NXPH2: variants seen among roughly 807,000 people sequenced by gnomAD.
The protein encoded by NXPH2 is neurexophilin 2, also known as neurexophilin-2.
A neutral mutation model predicts 19.8 loss-of-function variants in NXPH2; 5 were observed. The ratio of observed to expected loss-of-function variants is 0.25; its 90% confidence interval spans 0.13 to 0.53. The LOEUF (loss-of-function observed/expected upper bound fraction) is 0.53, where lower values mean the gene tolerates loss of function less well. Among genes scored for constraint, NXPH2 ranks in the 20% least tolerant of loss-of-function variants. The probability of loss-of-function intolerance (pLI) is 0.96; values close to 1 mark genes in which losing one functional copy is unlikely to be tolerated. For missense variants in NXPH2, 289 were observed against 322.8 expected (o/e 0.90, Z 0.80); for synonymous variants, 154 against 127.4 (o/e 1.21, Z -1.41).
intron 1 of NXPH2, among the ~76,000 whole-genome samples, chr2:138,768,479 C>T (rs1020354076): frequency 1.3e-5 from 2 of 152,182 alleles, no homozygotes; most frequent in African/African-American, 4.8e-5. Flanking sequence ...GCGTATGACC[C>T]AAACCAACCA....
At chr2:138,717,145 C>A (rs774516092) in intron 1 of NXPH2, among the ~76,000 whole-genome samples, 3 of 152,172 alleles carry the variant, frequency 2.0e-5, no homozygotes, top group Admixed American at 6.5e-5. Context: ...AAGGAAGGAG[C>A]TTTTTATATA....
rs146225838 is a variant in NXPH2, at chr2:138,729,189, G to T, written c.51+51002C>A. Among the ~76,000 whole-genome samples the T allele has an allele frequency of 6.7e-3, 1,023 of 152,218 alleles. 10 individuals carry two copies. The highest frequency in any genetic ancestry group is 0.022 in the African/African-American group (924 of 41,530). Reference sequence around the variant, plus strand: ...CCCCACCCAAATCTCATCTTGAATTGTAGTTCCCATAATCCCCACATGTCA... The same window carrying T: ...CCCCACCCAAATCTCATCTTGAATTTTAGTTCCCATAATCCCCACATGTCA... On this transcript the variant is annotated intron_variant, in intron 1 of 1. Coordinates refer to ENST00000272641, the MANE Select transcript of NXPH2 (RefSeq NM_007226.3).
intron 1 of NXPH2, among the ~76,000 whole-genome samples, chr2:138,739,704 T>C (rs1230229072): frequency 6.6e-6 from 1 of 152,128 alleles, no homozygotes; most frequent in Non-Finnish European, 1.5e-5. Context: ...AGCAAGGAAA[T>C]AACATCTGAT....
In NXPH2 at chr2:138,671,160, T is replaced by C. The variant is rs201929664; in HGVS notation, c.557A>G (p.Asn186Ser). The change falls in exon 2 of 2, where the codon AAT becomes AGT. Residue 186 changes from asparagine to serine, a missense_variant. Physicochemically the swap from Asn to Ser is conservative, Grantham distance 46 (BLOSUM62 1). Transcript: ENST00000272641. ...TGTTTTTTCATACTCAATGCGACAA[T>C]TGAAAGATTTGGATTCCTTGGTCTC... ...TLETKESKSF[N>S]CRIEYEKTDR... 2,089 of 1,613,902 alleles carry C rather than the reference T, an allele frequency of 1.3e-3. 5 individuals carry two copies. The highest frequency in any genetic ancestry group is 1.6e-3 in the Non-Finnish European group (1,882 of 1,179,852).
rs1295545426 is a variant in NXPH2 at position 138,780,339 on chromosome 2, G to A, written c.-98C>T. 1.1e-5 allele frequency: 11 copies of A among 1,005,990 alleles called. No individual in the cohort carries two copies. The highest frequency in any genetic ancestry group is 3.5e-5 in the East Asian group (1 of 28,618). 62.3% of individuals were successfully genotyped at this position (1,005,990 alleles called of 1,614,324 possible). A position where few individuals can be genotyped will look rare whatever the true frequency, so the allele number is the denominator to read the frequency against. On this transcript the variant is annotated 5_prime_UTR_variant, in exon 1 of 2. Coordinates refer to ENST00000272641, the MANE Select transcript of NXPH2 (RefSeq NM_007226.3). ...CAGGACTGAGGACGCCAGGGACACA[G>A]CGCGGCGCTTCCCTCCCGGAATCCG...
intron 1 of NXPH2, among the ~76,000 whole-genome samples, chr2:138,716,648 C>A (rs993881811): frequency 2.0e-5 from 3 of 152,168 alleles, no homozygotes; most frequent in Non-Finnish European, 4.4e-5. Flanking sequence ...TTCTAGATAC[C>A]TATCCCTGTT....
chr2:138,690,336 C>T (rs1001876097), intron 1 of NXPH2, among the ~76,000 whole-genome samples: 1 of 152,158 alleles, frequency 6.6e-6, no homozygotes, highest in Non-Finnish European at 1.5e-5. Flanking sequence ...CAGAAATGCT[C>T]GTGTCCCATC....
At chr2:138,701,864 G>A (rs1012646648) in intron 1 of NXPH2, among the ~76,000 whole-genome samples, 11 of 152,088 alleles carry the variant, frequency 7.2e-5, no homozygotes, top group African/African-American at 2.4e-4. Context: ...TGGTAGGTGG[G>A]AAGACTCTAG....
At chr2:138,733,980 C>T (rs1681495393) in intron 1 of NXPH2, among the ~76,000 whole-genome samples, 1 of 152,168 alleles carries the variant, frequency 6.6e-6, no homozygotes, top group African/African-American at 2.4e-5. Context: ...CATGGTGGCT[C>T]ACACCTGTAA....
At chr2:138,767,788 C>T (rs1259134453) in intron 1 of NXPH2, among the ~76,000 whole-genome samples, 2 of 152,198 alleles carry the variant, frequency 1.3e-5, no homozygotes, top group Non-Finnish European at 2.9e-5. Flanking sequence ...CTATTCAACA[C>T]TGTGTCTTTG....
At chr2:138,672,237 A>T (rs1321927962) in intron 1 of NXPH2, among the ~76,000 whole-genome samples, 3 of 152,220 alleles carry the variant, frequency 2.0e-5, no homozygotes, top group African/African-American at 7.2e-5. Context: ...TTCTACAAAA[A>T]GTTTTAGTTG....
At chr2:138,679,219 A>G (rs981749450) in intron 1 of NXPH2, among the ~76,000 whole-genome samples, 1 of 152,228 alleles carries the variant, frequency 6.6e-6, no homozygotes, top group Non-Finnish European at 1.5e-5. Flanking sequence ...AATGTAAATC[A>G]TGCCTTTATC....
chr2:138,743,775 G>C (rs1052092998), intron 1 of NXPH2, among the ~76,000 whole-genome samples: 4 of 152,080 alleles, frequency 2.6e-5, no homozygotes, highest in African/African-American at 9.7e-5. Context: ...GGTTGAGGTG[G>C]GCAGATCACC....
At chr2:138,759,812 CT>C (rs1346842271) in intron 1 of NXPH2, among the ~76,000 whole-genome samples, 2 of 150,992 alleles carry the variant, frequency 1.3e-5, no homozygotes, top group East Asian at 2.0e-4. Context: ...TCACTGCAAC[CT>C]CCGCCTCCCA....
intron 1 of NXPH2, among the ~76,000 whole-genome samples, chr2:138,687,459 CA>C (rs1455268630): frequency 6.6e-6 from 1 of 152,032 alleles, no homozygotes; most frequent in African/African-American, 2.4e-5. Flanking sequence ...AGCCCTTTGT[CA>C]GATGAGTAGA....
chr2:138,671,796 C>T, intron 1 of NXPH2, 131 bp from the exon 2 acceptor site: 1 of 895,304 alleles, frequency 1.1e-6, no homozygotes, highest in Non-Finnish European at 1.6e-6. Context: ...TTCACACACA[C>T]AGCCGGGCTC....
At chr2:138,738,568 G>A (rs764226736) in intron 1 of NXPH2, among the ~76,000 whole-genome samples, 12 of 152,036 alleles carry the variant, frequency 7.9e-5, no homozygotes, top group Admixed American at 2.0e-4. Flanking sequence ...TCTTTTGTTC[G>A]GTATAGATTT....
At chr2:138,738,076 C>G (rs560502121) in intron 1 of NXPH2, among the ~76,000 whole-genome samples, 1 of 142,620 alleles carries the variant, frequency 7.0e-6, no homozygotes, top group Admixed American at 7.0e-5. Flanking sequence ...CTCCCCCCAC[C>G]CCACAACAGG....
chr2:138,676,122 C>T (rs1413775776), intron 1 of NXPH2, among the ~76,000 whole-genome samples: 4 of 152,150 alleles, frequency 2.6e-5, no homozygotes, highest in Non-Finnish European at 2.9e-5. Context: ...TTAAAATACA[C>T]GTACAGTTCT....
Sources: gnomAD v4.1 joint callset for allele counts (sites outside exome capture counted in the v4.1 genomes callset) on GRCh38, gnomAD v4.1.1 for gene constraint, MANE v1.5 for transcripts, NCBI Gene and HGNC (gene_info 2026-07-23, HGNC 2026-07-21) for gene names.